The following FRMD3 variants were observed in gnomAD, a reference collection of about 807,000 sequenced individuals.
The protein encoded by FRMD3 is FERM domain containing 3.
In FRMD3, 33 loss-of-function variants were observed where a neutral mutation model predicts 70.2. The observed-to-expected ratio is 0.47, with a 90% CI of 0.36 to 0.63. FRMD3 has a LOEUF of 0.63. Ranked by LOEUF, FRMD3 falls within the 20% of genes least tolerant of loss-of-function variation. FRMD3 has a pLI of 0.00. For synonymous variants in FRMD3, 279 were observed against 255.9 expected, an observed-to-expected ratio of 1.09 and a Z score of -0.86; for missense variants, 632 against 711.4, an observed-to-expected ratio of 0.89 and a Z score of 1.27.
chr9:83,548,372 C>A, the FRMD3 span, among the ~76,000 whole-genome samples: 1 of 152,020 alleles, frequency 6.6e-6, no homozygotes. Context: ...TATCTCCATA[C>A]AATGGGATAA....
chr9:83,336,392 G>C (rs574406671), intron 5 of FRMD3, among the ~76,000 whole-genome samples: 2 of 151,214 alleles, frequency 1.3e-5, no homozygotes, highest in Non-Finnish European at 2.9e-5. Flanking sequence ...CCCAGGATAG[G>C]AGGTGGTACC....
intron 1 of FRMD3, among the ~76,000 whole-genome samples, chr9:83,515,327 C>G (rs146582418): frequency 1.3e-5 from 2 of 151,964 alleles, no homozygotes; most frequent in African/African-American, 4.8e-5. Context: ...GAAGCATACA[C>G]GAGAATCAAT....
chr9:83,491,520 G>C (rs1179432093), intron 1 of FRMD3, among the ~76,000 whole-genome samples: 1 of 152,128 alleles, frequency 6.6e-6, no homozygotes, highest in Non-Finnish European at 1.5e-5. Flanking sequence ...GACCACCTGG[G>C]AGAGAGATGC....
intron 1 of FRMD3, among the ~76,000 whole-genome samples, chr9:83,458,764 G>A (rs932114265): frequency 9.9e-5 from 15 of 152,108 alleles, no homozygotes; most frequent in Admixed American, 6.5e-4. Flanking sequence ...TCAAGATACA[G>A]GCATAATGGT....
At chr9:83,298,620 T>C in intron 12 of FRMD3, 128 bp downstream of exon 12, 2 of 700,384 alleles carry the variant, frequency 2.9e-6, no homozygotes, top group Non-Finnish European at 4.9e-6. Flanking sequence ...TCTGTCTGAG[T>C]GAGATGTCTA....
upstream of FRMD3, among the ~76,000 whole-genome samples, chr9:83,538,920 T>C (rs1341125216): frequency 6.6e-6 from 1 of 152,216 alleles, no homozygotes; most frequent in African/African-American, 2.4e-5. The surrounding 1 kb of genome is among the most constrained non-coding windows in gnomAD (Gnocchi z 4.7). Context: ...CTGACACGGC[T>C]ACACCAGGAA....
At chr9:83,346,255 CAAAAAA>C (rs56163115) in intron 4 of FRMD3, among the ~76,000 whole-genome samples, 13 of 62,146 alleles carry the variant, frequency 2.1e-4, no homozygotes, top group Admixed American at 1.3e-3. Context: ...GACGCCATCT[CAAAAAA>C]AAAAAAAAAA....
chr9:83,361,222 T>C (rs796913681), intron 3 of FRMD3, among the ~76,000 whole-genome samples: 10 of 152,386 alleles, frequency 6.6e-5, no homozygotes, highest in African/African-American at 2.2e-4. Flanking sequence ...AGTTGTATGT[T>C]TTGCTTTTTT....
At chr9:83,357,231 TATATATA>T (rs1824387495) in intron 3 of FRMD3, among the ~76,000 whole-genome samples, 2 of 11,624 alleles carry the variant, frequency 1.7e-4, no homozygotes, top group African/African-American at 6.1e-4. Flanking sequence ...ATATTTTATA[TATATATA>T]ATACATACAT....
chr9:83,392,221 G>A (rs1289626338), intron 1 of FRMD3, among the ~76,000 whole-genome samples: 1 of 152,108 alleles, frequency 6.6e-6, no homozygotes, highest in Non-Finnish European at 1.5e-5. Flanking sequence ...CCTGGCCTCT[G>A]CACGTTGCCC....
chr9:83,260,804 T>A (rs557016907), intron 13 of FRMD3, among the ~76,000 whole-genome samples: 2 of 152,262 alleles, frequency 1.3e-5, no homozygotes, highest in South Asian at 4.2e-4. Context: ...TTCTAAAATT[T>A]AGTAAGATAG....
chr9:83,283,053 C>T (rs1834031567), intron 13 of FRMD3, among the ~76,000 whole-genome samples: 1 of 151,972 alleles, frequency 6.6e-6, no homozygotes, highest in South Asian at 2.1e-4. Context: ...AAGAAAAAAC[C>T]CAGAGTTCTA....
At chr9:83,541,169 A>T (rs1829995276), upstream of FRMD3, among the ~76,000 whole-genome samples, 1 of 151,990 alleles carries the variant, frequency 6.6e-6, no homozygotes, top group Non-Finnish European at 1.5e-5. Context: ...GACTACTCTC[A>T]CTCTTAATAC....
At chr9:83,434,284 AG>A (rs1359137768) in intron 1 of FRMD3, among the ~76,000 whole-genome samples, 1 of 152,232 alleles carries the variant, frequency 6.6e-6, no homozygotes, top group African/African-American at 2.4e-5. Context: ...CACAGGCAGA[AG>A]AAAAAGAATG....
chr9:83,316,569 T>C (rs1252748235), intron 6 of FRMD3, among the ~76,000 whole-genome samples: 1 of 152,226 alleles, frequency 6.6e-6, no homozygotes, highest in Non-Finnish European at 1.5e-5. Context: ...TTTCAAGATT[T>C]CCTTATTCAT....
intron 1 of FRMD3, among the ~76,000 whole-genome samples, chr9:83,441,445 C>T (rs1827291936): frequency 6.6e-6 from 1 of 151,960 alleles, no homozygotes; most frequent in South Asian, 2.1e-4. Flanking sequence ...AATGATGCCT[C>T]CATGAATTAA....
At chr9:83,465,988 T>A (rs1828116831) in intron 1 of FRMD3, among the ~76,000 whole-genome samples, 1 of 152,206 alleles carries the variant, frequency 6.6e-6, no homozygotes, top group South Asian at 2.1e-4. Context: ...AAGAAGTAGT[T>A]ACCACTTGGA....
At chr9:83,368,608 A>C (rs1824867627) in intron 3 of FRMD3, among the ~76,000 whole-genome samples, 1 of 152,254 alleles carries the variant, frequency 6.6e-6, no homozygotes, top group Admixed American at 6.5e-5. Context: ...TTAGCTTTTC[A>C]ATTAAACAGA....
chr9:83,344,000 G>A (rs1823867300), intron 4 of FRMD3, among the ~76,000 whole-genome samples: 2 of 152,222 alleles, frequency 1.3e-5, no homozygotes, highest in South Asian at 4.1e-4. Flanking sequence ...GCCTAGTGCT[G>A]CCACTAGAAA....
Sources: allele counts gnomAD v4.1 joint callset (sites outside exome capture counted in the v4.1 genomes callset), GRCh38; gene constraint gnomAD v4.1.1; non-coding constraint Gnocchi (gnomAD v3.1); transcripts MANE v1.5; gene names NCBI Gene and HGNC (gene_info 2026-07-23, HGNC 2026-07-21).